The following KRTAP4-4 variants were observed in gnomAD, a reference collection of about 807,000 sequenced individuals.
KRTAP4-4 encodes keratin-associated protein 4-4.
For synonymous variants in KRTAP4-4, 88 were observed against 76.4 expected (o/e 1.15, Z -0.79); for missense variants, 186 against 206.9 (o/e 0.90, Z 0.62).
rs557926186 is a variant in KRTAP4-4 at position 41,160,340 on chromosome 17, G to A, written c.352C>T (p.Pro118Ser). The A allele has an allele frequency of 6.3e-7, 1 of 1,576,340 alleles. No individual in the cohort carries two copies. Among genetic ancestry groups the A allele is most frequent in the South Asian group, 1.1e-5 (1 of 90,060 alleles). The stretch of plus-strand genomic sequence containing the variant: ...CAGTAGCTGGGGCAGCAGCAGGTGG[G>A]CTGGCAGCACACAGACTGGCAGCAC... Reference protein sequence around the residue: ...PQCCQSVCCQPTCCCPSYCVS... With the variant: ...PQCCQSVCCQSTCCCPSYCVS... Residue 118 changes from proline to serine, a missense_variant, in exon 1 of 1, where the codon CCC becomes TCC. By Grantham distance (74) the Pro-to-Ser change is moderately conservative. Coordinates refer to ENST00000390661, the MANE Select transcript of KRTAP4-4 (RefSeq NM_032524.2).
Position 41,160,007 on chromosome 17 carries a change from TG to T in KRTAP4-4, c.*183del. On this transcript the variant is annotated 3_prime_UTR_variant, in exon 1 of 1. Transcript: ENST00000390661. ...CTAGAGCAGGTTGGGCGGCAGCACA[TG>T]GTCTGGCAGCAGTTGGGGCGGCAGC... The T allele has an allele frequency of 1.0e-6, 1 of 987,794 alleles. No individual in the cohort carries two copies. Among genetic ancestry groups the T allele is most frequent in the Non-Finnish European group, 1.5e-6 (1 of 659,328 alleles). The allele number at this position is 987,794 out of a possible 1,614,324, so 61.2% of individuals were successfully genotyped here.
rs974147358 is a variant in KRTAP4-4, at chr17:41,159,825, G to T, written c.*366C>A. The T allele has an allele frequency of 2.8e-6, 1 of 353,766 alleles. No homozygotes were observed. Among genetic ancestry groups the T allele is most frequent in the Non-Finnish European group, 5.2e-6 (1 of 191,904 alleles). The allele number at this position is 353,766 out of a possible 1,614,324, so 21.9% of individuals were successfully genotyped here. A position where few individuals can be genotyped will look rare whatever the true frequency, so the allele number is the denominator to read the frequency against. Reference sequence around the variant, plus strand: ...TTGGTAGAGAGGTAAAATGTGGGGGGAGCATATATTTGGAGGCCAGATTCA... The same window carrying T: ...TTGGTAGAGAGGTAAAATGTGGGGGTAGCATATATTTGGAGGCCAGATTCA... On this transcript the variant is annotated 3_prime_UTR_variant, in exon 1 of 1. Transcript: ENST00000390661.
chr17:41,159,998 G>T lies in KRTAP4-4; in HGVS notation c.*193C>A. On this transcript the variant is annotated 3_prime_UTR_variant, in exon 1 of 1. Transcript: ENST00000390661. Reference sequence around the variant, plus strand: ...CAAGAAGCACTAGAGCAGGTTGGGCGGCAGCACATGGTCTGGCAGCAGTTG... The same window carrying T: ...CAAGAAGCACTAGAGCAGGTTGGGCTGCAGCACATGGTCTGGCAGCAGTTG... 1 of 908,550 alleles carries T rather than the reference G, an allele frequency of 1.1e-6. No individual in the cohort carries two copies. The highest frequency in any genetic ancestry group is 1.7e-6 in the Non-Finnish European group (1 of 590,246). 56.3% of individuals were successfully genotyped at this position (908,550 alleles called of 1,614,324 possible).
chr17:41,160,181 A>G lies in KRTAP4-4; in HGVS notation c.*10T>C. The G allele has an allele frequency of 6.2e-7, 1 of 1,610,982 alleles. No homozygotes were observed. Among genetic ancestry groups the G allele is most frequent in the South Asian group, 1.1e-5 (1 of 90,802 alleles). ...GTGGTCCTGTAGCAGGTGGTTTGCCAGCAGATGGGCTAGCAGCATAGAGAC... is the reference window on the plus strand; with the variant it reads ...GTGGTCCTGTAGCAGGTGGTTTGCCGGCAGATGGGCTAGCAGCATAGAGAC... On this transcript the variant is annotated 3_prime_UTR_variant, in exon 1 of 1. Transcript: ENST00000390661.
Position 41,160,080 on chromosome 17 carries a change from G to A in KRTAP4-4, c.*111C>T. ...GCCTGCAGCAGCTGAAGCCACAGCA[G>A]GAGGAGCTACTGCTGCTAGAGATAC... On this transcript the variant is annotated 3_prime_UTR_variant, in exon 1 of 1. Transcript: ENST00000390661. The A allele has an allele frequency of 1.3e-6, 2 of 1,514,176 alleles. No homozygotes were observed. The highest frequency in any genetic ancestry group is 1.8e-6 in the Non-Finnish European group (2 of 1,113,886). The allele number at this position is 1,514,176 out of a possible 1,614,324, so 93.8% of individuals were successfully genotyped here.
Position 41,160,399 on chromosome 17 carries a change from G to A in KRTAP4-4, c.293C>T (p.Thr98Ile). The A allele has an allele frequency of 6.2e-7, 1 of 1,611,480 alleles. No individual in the cohort carries two copies. Among genetic ancestry groups the A allele is most frequent in the Non-Finnish European group, 8.5e-7 (1 of 1,179,152 alleles). ...GCAGCAGCTGGGGCGGCAGCAGGTG[G>A]TCCTACAGCAGGTAGTCTGGCAGCA... ...PQCCQTTCCR[T>I]TCCRPSCCRP... is the part of the protein sequence containing the mutation. Residue 98 changes from threonine (T) to isoleucine (I), a missense_variant, in exon 1 of 1, where the codon ACC (threonine) becomes ATC (isoleucine). By Grantham distance (89) the Thr-to-Ile change is moderately conservative. Transcript: ENST00000390661.
In KRTAP4-4 at chr17:41,160,445, G is replaced by T; in HGVS notation, c.247C>A (p.Pro83Thr). ...PQCCQSVCCQ[P>T]TCCRPQCCQT... Reference sequence around the variant, plus strand: ...CAGCATTGGGGTCTGCAGCAGGTGGGCTGGCAGCACACAGACTGGCAGCAC... The same window carrying T: ...CAGCATTGGGGTCTGCAGCAGGTGGTCTGGCAGCACACAGACTGGCAGCAC... Residue 83 changes from proline (P) to threonine (T), a missense_variant, in exon 1 of 1, where the codon CCC becomes ACC. Physicochemically the swap from Pro to Thr is conservative, Grantham distance 38. Transcript: ENST00000390661. The T allele has an allele frequency of 6.2e-7, 1 of 1,611,096 alleles. No homozygotes were observed.
chr17:41,160,240 C>G lies in KRTAP4-4; in HGVS notation c.452G>C (p.Cys151Ser), dbSNP rs749502434. 9 of 1,613,424 alleles carry G rather than the reference C, an allele frequency of 5.6e-6. No homozygotes were observed. The highest frequency in any genetic ancestry group is 1.7e-5 in the Admixed American group (1 of 59,966). The change falls in exon 1 of 1, where the codon TGT becomes TCT. Residue 151 changes from cysteine (C) to serine (S), a missense_variant. Cys to Ser is a moderately radical substitution (Grantham distance 112). Coordinates refer to ENST00000390661, the MANE Select transcript of KRTAP4-4 (RefSeq NM_032524.2). ...CRTTCCRPSCCVSRCYRPHCG... is the reference protein window; with the variant it reads ...CRTTCCRPSCSVSRCYRPHCG... The stretch of plus-strand genomic sequence containing the variant: ...ATGGGGCCTGTAGCACCTGGACACA[C>G]AGCAGCTGGGGCGGCAGCAGGTGGT...
In KRTAP4-4 at chr17:41,160,175, T is replaced by C. The variant is rs750894642; in HGVS notation, c.*16A>G. The C allele has an allele frequency of 2.5e-6, 4 of 1,609,366 alleles. No individual in the cohort carries two copies. In the South Asian group the frequency reaches 4.4e-5, roughly 18 times the overall value. Reference sequence around the variant, plus strand: ...CAGCAGGTGGTCCTGTAGCAGGTGGTTTGCCAGCAGATGGGCTAGCAGCAT... The same window carrying C: ...CAGCAGGTGGTCCTGTAGCAGGTGGCTTGCCAGCAGATGGGCTAGCAGCAT... On this transcript the variant is annotated 3_prime_UTR_variant, in exon 1 of 1. Transcript: ENST00000390661.
chr17:41,159,911 T>A lies in KRTAP4-4; in HGVS notation c.*280A>T. ...AGCTTCCCATAACTCAGCTCATAGA[T>A]GAGCTACATCAAGAATGCTGGTTGA... On this transcript the variant is annotated 3_prime_UTR_variant, in exon 1 of 1. Transcript: ENST00000390661. The A allele has an allele frequency of 1.7e-6, 1 of 584,282 alleles. No homozygotes were observed. The allele number at this position is 584,282 out of a possible 1,614,324, so 36.2% of individuals were successfully genotyped here. A position where few individuals can be genotyped will look rare whatever the true frequency, so the allele number is the denominator to read the frequency against.
At position 41,159,825 on chromosome 17, in the gene KRTAP4-4, G is replaced by A. The variant is rs974147358; in HGVS notation, c.*366C>T. The A allele has an allele frequency of 5.7e-6, 2 of 353,648 alleles. No individual in the cohort carries two copies. Among genetic ancestry groups the A allele is most frequent in the Non-Finnish European group, 1.0e-5 (2 of 191,912 alleles). 21.9% of individuals were successfully genotyped at this position (353,648 alleles called of 1,614,324 possible). A position where few individuals can be genotyped will look rare whatever the true frequency, so the allele number is the denominator to read the frequency against. Reference sequence around the variant, plus strand: ...TTGGTAGAGAGGTAAAATGTGGGGGGAGCATATATTTGGAGGCCAGATTCA... The same window carrying A: ...TTGGTAGAGAGGTAAAATGTGGGGGAAGCATATATTTGGAGGCCAGATTCA... On this transcript the variant is annotated 3_prime_UTR_variant, in exon 1 of 1. Transcript: ENST00000390661.
At position 41,159,930 on chromosome 17, in the gene KRTAP4-4, T is replaced by C. The variant is rs2014941215; in HGVS notation, c.*261A>G. On this transcript the variant is annotated 3_prime_UTR_variant, in exon 1 of 1. Coordinates refer to ENST00000390661, the MANE Select transcript of KRTAP4-4 (RefSeq NM_032524.2). ...CATAGATGAGCTACATCAAGAATGC[T>C]GGTTGATGAGAATCTGGTGAGTCCA... The C allele has an allele frequency of 1.6e-6, 1 of 617,646 alleles. No individual in the cohort carries two copies. Among genetic ancestry groups the C allele is most frequent in the Admixed American group, 3.0e-5 (1 of 33,444 alleles). The allele number at this position is 617,646 out of a possible 1,614,324, so 38.3% of individuals were successfully genotyped here. A position where few individuals can be genotyped will look rare whatever the true frequency, so the allele number is the denominator to read the frequency against.
rs1183205879 is a variant in KRTAP4-4 at position 41,160,298 on chromosome 17, T to G, written c.394A>C (p.Arg132=). The change falls in exon 1 of 1, where the codon AGA becomes CGA. Residue 132 remains arginine (R), a synonymous_variant. Transcript: ENST00000390661. Reference sequence around the variant, plus strand: ...CAGGTGGTCTGGCAGCACTGGGGTCTGCAGCAGCTGGACACACAGTAGCTG... The same window carrying G: ...CAGGTGGTCTGGCAGCACTGGGGTCGGCAGCAGCTGGACACACAGTAGCTG... ...CPSYCVSSCC[R]PQCCQTTCCR... 15 of 1,609,178 alleles carry G rather than the reference T, an allele frequency of 9.3e-6. No individual in the cohort carries two copies. Among genetic ancestry groups the G allele is most frequent in the Non-Finnish European group, 1.3e-5 (15 of 1,178,558 alleles).
At position 41,160,598 on chromosome 17, in the gene KRTAP4-4, T is replaced by C. The variant is rs1568005812; in HGVS notation, c.94A>G (p.Arg32Gly). Reference sequence around the variant, plus strand: ...CAGCTGGGGCGGCAGCAGGTGGTCCTGCAGCAGGTGGTCTGGCAGTAGCTG... The same window carrying C: ...CAGCTGGGGCGGCAGCAGGTGGTCCCGCAGCAGGTGGTCTGGCAGTAGCTG... Reference protein sequence around the residue: ...RPSYCQTTCCRTTCCRPSCCV... With the variant: ...RPSYCQTTCCGTTCCRPSCCV... Residue 32 changes from arginine (R) to glycine (G), a missense_variant, in exon 1 of 1, where the codon AGG (arginine) becomes GGG (glycine). Coordinates refer to ENST00000390661, the MANE Select transcript of KRTAP4-4 (RefSeq NM_032524.2). The C allele has an allele frequency of 6.2e-7, 1 of 1,613,566 alleles. No individual in the cohort carries two copies. The highest frequency in any genetic ancestry group is 8.5e-7 in the Non-Finnish European group (1 of 1,179,932).
chr17:41,160,146 G>A lies in KRTAP4-4; in HGVS notation c.*45C>T, dbSNP rs1482268476. On this transcript the variant is annotated 3_prime_UTR_variant, in exon 1 of 1. Coordinates refer to ENST00000390661, the MANE Select transcript of KRTAP4-4 (RefSeq NM_032524.2). ...AGCAGCTGGAAATGCAATAGCTGGG[G>A]TGGCAGCAGGTGGTCCTGTAGCAGG... 1.2e-6 allele frequency: 2 copies of A among 1,603,144 alleles called. No individual in the cohort carries two copies. Among genetic ancestry groups the A allele is most frequent in the South Asian group, 2.2e-5 (2 of 89,260 alleles).
rs528411429 is a variant in KRTAP4-4, at chr17:41,160,539, G to A, written c.153C>T (p.Cys51=). The A allele has an allele frequency of 6.2e-7, 1 of 1,613,808 alleles. No individual in the cohort carries two copies. Among genetic ancestry groups the A allele is most frequent in the Non-Finnish European group, 8.5e-7 (1 of 1,179,848 alleles). ...CVSSCCRPQC[C]QTTCCRTTCC... is the part of the protein sequence containing the mutation. ...AGGTGGTCCTGCAGCAGGTGGTCTG[G>A]CAGCACTGGGGTCTGCAGCAGCTGG... is the stretch of plus-strand genomic sequence containing the variant. The change falls in exon 1 of 1, where the codon TGC becomes TGT. Residue 51 remains cysteine, a synonymous_variant. Transcript: ENST00000390661.
chr17:41,160,187 T>C lies in KRTAP4-4; in HGVS notation c.*4A>G. 1 of 1,603,272 alleles carries C rather than the reference T, an allele frequency of 6.2e-7. No individual in the cohort carries two copies. Among genetic ancestry groups the C allele is most frequent in the South Asian group, 1.1e-5 (1 of 90,434 alleles). The stretch of plus-strand genomic sequence containing the variant: ...CTGTAGCAGGTGGTTTGCCAGCAGA[T>C]GGGCTAGCAGCATAGAGACTGGCCA... On this transcript the variant is annotated 3_prime_UTR_variant, in exon 1 of 1. Transcript: ENST00000390661.
Position 41,160,330 on chromosome 17 carries a change from C to A in KRTAP4-4, c.362G>T (p.Cys121Phe). The change falls in exon 1 of 1, where the codon TGC (cysteine) becomes TTC (phenylalanine). Residue 121 changes from cysteine to phenylalanine, a missense_variant. By Grantham distance (205) the Cys-to-Phe change is radical. Coordinates refer to ENST00000390661, the MANE Select transcript of KRTAP4-4 (RefSeq NM_032524.2). ...GCTGGACACACAGTAGCTGGGGCAG[C>A]AGCAGGTGGGCTGGCAGCACACAGA... is the stretch of plus-strand genomic sequence containing the variant. ...CQSVCCQPTC[C>F]CPSYCVSSCC... is the part of the protein sequence containing the mutation. The A allele has an allele frequency of 6.2e-7, 1 of 1,612,112 alleles. No homozygotes were observed. Among genetic ancestry groups the A allele is most frequent in the Non-Finnish European group, 8.5e-7 (1 of 1,179,514 alleles).
chr17:41,160,608 G>T lies in KRTAP4-4; in HGVS notation c.84C>A (p.Thr28=), dbSNP rs1568005837. The T allele has an allele frequency of 6.2e-7, 1 of 1,601,058 alleles. No homozygotes were observed. Among genetic ancestry groups the T allele is most frequent in the Non-Finnish European group, 8.6e-7 (1 of 1,168,532 alleles). The change falls in exon 1 of 1, where the codon ACC becomes ACA. Residue 28 remains threonine, a synonymous_variant. Transcript: ENST00000390661. ...GGCAGCAGGTGGTCCTGCAGCAGGTGGTCTGGCAGTAGCTGGGACGGCAGC... is the reference window on the plus strand; with the variant it reads ...GGCAGCAGGTGGTCCTGCAGCAGGTTGTCTGGCAGTAGCTGGGACGGCAGC... The part of the protein sequence containing the change: ...ENCCRPSYCQ[T]TCCRTTCCRP...
Sources: gnomAD v4.1 joint callset for allele counts on GRCh38, gnomAD v4.1.1 for gene constraint, MANE v1.5 for transcripts, NCBI Gene and HGNC (gene_info 2026-07-23, HGNC 2026-07-21) for gene names.